The following FLACC1 variants were observed in gnomAD, a reference collection of about 807,000 sequenced individuals.
The protein encoded by FLACC1 is flagellum-associated coiled-coil domain-containing protein 1.
A neutral mutation model predicts 62.8 loss-of-function variants in FLACC1; 66 were observed. The observed-to-expected ratio is 1.05, with a 90% CI of 0.86 to 1.29. The LOEUF is 1.29. Ranked by LOEUF, FLACC1 falls within the 50% of genes most tolerant of loss-of-function variation. The pLI is 0.00. For missense variants in FLACC1, 452 were observed against 489.1 expected, an observed-to-expected ratio of 0.92 and a Z score of 0.71; for synonymous variants, 156 against 161.0, an observed-to-expected ratio of 0.97 and a Z score of 0.24.
At chr2:201,317,092 A>T (rs1005198056) in intron 9 of FLACC1, among the ~76,000 whole-genome samples, 2 of 152,296 alleles carry the variant, frequency 1.3e-5, no homozygotes, top group East Asian at 3.9e-4. Context: ...AGCCAAAATC[A>T]TACTGAATGG....
At chr2:201,329,123 C>A (rs1372365300) in intron 9 of FLACC1, among the ~76,000 whole-genome samples, 1 of 152,008 alleles carries the variant, frequency 6.6e-6, no homozygotes, top group Non-Finnish European at 1.5e-5. Context: ...GTAAATATTT[C>A]TTGTCATAAA....
At chr2:201,289,066 C>T (rs17383714) in intron 14 of FLACC1, among the ~76,000 whole-genome samples, 9,654 of 152,278 alleles carry the variant, frequency 0.063, 422 homozygotes, top group Middle Eastern at 0.11. Context: ...TAACAGTACA[C>T]CTTCTGATCC....
intron 4 of FLACC1, 48 bp downstream of exon 4, chr2:201,348,206 G>C (rs1386699417): frequency 6.4e-7 from 1 of 1,571,084 alleles, no homozygotes; most frequent in Non-Finnish European, 8.7e-7. Flanking sequence ...GCACATAGTA[G>C]GCACTCAATA....
At chr2:201,338,968 T>C (rs1950750036) in intron 7 of FLACC1, among the ~76,000 whole-genome samples, 2 of 152,184 alleles carry the variant, frequency 1.3e-5, no homozygotes, top group South Asian at 4.1e-4. Flanking sequence ...CAAATTTTTT[T>C]GAATAGTTTA....
chr2:201,339,294 GTCTTC>G (rs1407430567), intron 7 of FLACC1, among the ~76,000 whole-genome samples: 2 of 151,678 alleles, frequency 1.3e-5, no homozygotes, highest in Non-Finnish European at 2.9e-5. Context: ...TTTTATTTGG[GTCTTC>G]TCTTGTCTTT....
At chr2:201,347,637 C>CA (rs1950942231) in intron 4 of FLACC1, among the ~76,000 whole-genome samples, 1 of 94,992 alleles carries the variant, frequency 1.1e-5, no homozygotes, top group Non-Finnish European at 2.7e-5. Flanking sequence ...AACTAAAAAA[C>CA]AAAACAAAAA....
chr2:201,319,030 C>G (rs1382767218), intron 9 of FLACC1, among the ~76,000 whole-genome samples: 1 of 152,088 alleles, frequency 6.6e-6, no homozygotes, highest in Non-Finnish European at 1.5e-5. Flanking sequence ...CAAAATCTCA[C>G]AAATCACCAC....
At chr2:201,308,151 G>T (rs1473789489) in intron 10 of FLACC1, among the ~76,000 whole-genome samples, 1 of 152,200 alleles carries the variant, frequency 6.6e-6, no homozygotes, top group Admixed American at 6.5e-5. Flanking sequence ...GGAGTCTCTG[G>T]TCTGACAGCG....
intron 9 of FLACC1, among the ~76,000 whole-genome samples, chr2:201,323,580 G>A (rs1171289535): frequency 6.6e-6 from 1 of 151,956 alleles, no homozygotes; most frequent in Non-Finnish European, 1.5e-5. Flanking sequence ...CAAACTACAA[G>A]AAATGCTACC....
intron 6 of FLACC1, 120 bp from the exon 7 acceptor site, chr2:201,342,551 G>T: frequency 1.1e-6 from 1 of 929,302 alleles, no homozygotes; most frequent in Non-Finnish European, 1.7e-6. Flanking sequence ...ATGGGGCACA[G>T]CCCCCTTCCC....
chr2:201,325,945 G>A (rs1918881), intron 9 of FLACC1, among the ~76,000 whole-genome samples: 51,070 of 151,920 alleles, frequency 0.34, 10,159 homozygotes, highest in East Asian at 0.48. Flanking sequence ...CTAGCTAACC[G>A]ACCCCAATAG....
At chr2:201,353,580 C>T (rs1951067162) in intron 1 of FLACC1, among the ~76,000 whole-genome samples, 1 of 151,910 alleles carries the variant, frequency 6.6e-6, no homozygotes, top group Non-Finnish European at 1.5e-5. Context: ...TTTCTTTTCT[C>T]TTTTCTTCTT....
intron 9 of FLACC1, 32 bp downstream of exon 9, chr2:201,330,438 C>T (rs1401206119): frequency 1.9e-6 from 3 of 1,598,084 alleles, no homozygotes; most frequent in Non-Finnish European, 2.6e-6. Context: ...CCTTCCTTCT[C>T]TTGTAATCCA....
intron 9 of FLACC1, among the ~76,000 whole-genome samples, chr2:201,313,132 G>A (rs1950247511): frequency 6.6e-6 from 1 of 152,192 alleles, no homozygotes; most frequent in Non-Finnish European, 1.5e-5. Flanking sequence ...ACTGCCAGAG[G>A]AACTCAGAAA....
intron 11 of FLACC1, among the ~76,000 whole-genome samples, chr2:201,304,627 C>A (rs1950062165): frequency 6.6e-6 from 1 of 152,160 alleles, no homozygotes; most frequent in African/African-American, 2.4e-5. Context: ...ATTGCCAAGA[C>A]AATCCTAAGC....
rs148601351 is a variant in FLACC1 at position 201,345,168 on chromosome 2, A to C, written c.369-905T>G. Among the ~76,000 whole-genome samples, 260 of 152,322 alleles carry C rather than the reference A, an allele frequency of 1.7e-3. 2 individuals are homozygous for C. The highest frequency in any genetic ancestry group is 6.1e-3 in the African/African-American group (255 of 41,570). Reference sequence around the variant, plus strand: ...TGGCTGTCGGTGCTAGCTTGACTATAGGTGCATGACCCATTCTCTTCCTGC... The same window carrying C: ...TGGCTGTCGGTGCTAGCTTGACTATCGGTGCATGACCCATTCTCTTCCTGC... On this transcript the variant is annotated intron_variant, in intron 5 of 14. Coordinates refer to ENST00000392257, the MANE Select transcript of FLACC1 (RefSeq NM_001127391.3).
Position 201,330,209 on chromosome 2 carries a change from T to C in FLACC1, c.675+261A>G, listed in dbSNP as rs118128016. Among the ~76,000 whole-genome samples, 101 of 152,336 alleles carry C rather than the reference T, an allele frequency of 6.6e-4. 2 individuals are homozygous for C. The East Asian group carries it at 0.019, about 28-fold the overall frequency. ...GTGGTGATATTTCTTTTTGCTCCAT[T>C]ACAAAAAATGAGAAGCTATTACTTT... On this transcript the variant is annotated intron_variant, in intron 9 of 14. Coordinates refer to ENST00000392257, the MANE Select transcript of FLACC1 (RefSeq NM_001127391.3).
At chr2:201,340,190 C>A (rs1002665288) in intron 7 of FLACC1, among the ~76,000 whole-genome samples, 1 of 152,112 alleles carries the variant, frequency 6.6e-6, no homozygotes, top group South Asian at 2.1e-4. Context: ...AATCCATTCA[C>A]GCATTCTATT....
intron 11 of FLACC1, among the ~76,000 whole-genome samples, chr2:201,300,264 C>T (rs902500363): frequency 9.2e-5 from 14 of 152,218 alleles, no homozygotes; most frequent in African/African-American, 3.4e-4. Flanking sequence ...AAATGGCACA[C>T]CAGGAGATTA....
Sources: gnomAD v4.1 joint callset for allele counts (sites outside exome capture counted in the v4.1 genomes callset) on GRCh38, gnomAD v4.1.1 for gene constraint, MANE v1.5 for transcripts, NCBI Gene and HGNC (gene_info 2026-07-23, HGNC 2026-07-21) for gene names.